The following CEP120 variants were observed in gnomAD, a reference collection of about 807,000 sequenced individuals.
CEP120 encodes centrosomal protein 120.
A neutral mutation model predicts 126.5 loss-of-function variants in CEP120; 113 were observed. The ratio of observed to expected loss-of-function variants is 0.89; its 90% CI spans 0.77 to 1.04. CEP120 has a LOEUF of 1.04. CEP120 is among the 50% of genes least tolerant of loss of function. The probability of loss-of-function intolerance (pLI) is 0.00; values close to 1 mark genes in which losing one functional copy is unlikely to be tolerated. For missense variants in CEP120, 1,230 were observed against 1,155.7 expected, an observed-to-expected ratio of 1.06 and a Z score of -0.93; for synonymous variants, 400 against 394.3, an observed-to-expected ratio of 1.01 and a Z score of -0.17.
chr5:123,419,547 CAA>C (rs1248318471), intron 1 of CEP120, among the ~76,000 whole-genome samples: 1 of 97,038 alleles, frequency 1.0e-5, no homozygotes, highest in African/African-American at 3.8e-5. Flanking sequence ...AAAACAAAAA[CAA>C]AAACAAAAAA....
At chr5:123,356,570 C>T (rs1769638348) in intron 18 of CEP120, among the ~76,000 whole-genome samples, 1 of 151,662 alleles carries the variant, frequency 6.6e-6, no homozygotes, top group Non-Finnish European at 1.5e-5. Context: ...CTATTCATTC[C>T]ACCTATTTTA....
chr5:123,350,679 C>T (rs546366197), intron 18 of CEP120, among the ~76,000 whole-genome samples: 1 of 152,308 alleles, frequency 6.6e-6, no homozygotes, highest in East Asian at 1.9e-4. Context: ...TAATTCCACT[C>T]CTACTTCAGT....
chr5:123,355,128 T>G (rs1486859876), intron 18 of CEP120, among the ~76,000 whole-genome samples: 1 of 152,174 alleles, frequency 6.6e-6, no homozygotes, highest in Admixed American at 6.5e-5. Context: ...TCATTTTTTA[T>G]GGCTGCATAG....
intron 4 of CEP120, among the ~76,000 whole-genome samples, chr5:123,406,981 A>G (rs1773727315): frequency 6.6e-6 from 1 of 152,008 alleles, no homozygotes; most frequent in Non-Finnish European, 1.5e-5. Flanking sequence ...ATTTTAAAAT[A>G]CCTAAAACAA....
chr5:123,347,102 T>TA (rs1375376541), intron 19 of CEP120, among the ~76,000 whole-genome samples: 2 of 152,206 alleles, frequency 1.3e-5, no homozygotes, highest in African/African-American at 4.8e-5. Flanking sequence ...TTTTCAAGTT[T>TA]AAAAAATGCA....
At chr5:123,389,870 G>A in intron 8 of CEP120, 54 bp downstream of exon 8, 1 of 1,458,640 alleles carries the variant, frequency 6.9e-7, no homozygotes. Context: ...TTTTTTAGAT[G>A]GCTGCAAAAT....
chr5:123,400,539 C>A (rs1411162682), intron 4 of CEP120, among the ~76,000 whole-genome samples: 1 of 151,700 alleles, frequency 6.6e-6, no homozygotes, highest in Admixed American at 6.6e-5. Context: ...AGGTGTCAAT[C>A]TGAATTGACA....
chr5:123,361,618 C>T (rs1770081508), intron 18 of CEP120, among the ~76,000 whole-genome samples: 1 of 151,806 alleles, frequency 6.6e-6, no homozygotes. Context: ...TCTATCACTG[C>T]ATAACAATAT....
chr5:123,382,999 G>C lies in CEP120; in HGVS notation c.1847C>G (p.Ser616Cys), dbSNP rs760302565. The change falls in exon 12 of 20, where the codon TCT becomes TGT. Residue 616 changes from serine (S) to cysteine (C), a missense_variant. Physicochemically the swap from Ser to Cys is moderately radical, Grantham distance 112. Transcript: ENST00000306467. ...AATTATATTTACCTGAGATGAATCA[G>C]AGATAAAAATCTCACGCATTTTTAC... ...GLVKMREIFI[S>C]DSSQGVSAVQ... The C allele has an allele frequency of 6.3e-7, 1 of 1,599,090 alleles. No individual in the cohort carries two copies. The highest frequency in any genetic ancestry group is 1.3e-5 in the African/African-American group (1 of 74,532).
At chr5:123,404,681 C>T (rs1167568785) in intron 4 of CEP120, among the ~76,000 whole-genome samples, 6 of 152,184 alleles carry the variant, frequency 3.9e-5, no homozygotes. Flanking sequence ...CAGAATTAAA[C>T]TTTTAGGACA....
At chr5:123,401,476 C>T in intron 4 of CEP120, 1 of 1,267,438 alleles carries the variant, frequency 7.9e-7, no homozygotes, top group Non-Finnish European at 1.2e-6. Flanking sequence ...CCAGACTCTG[C>T]AGCTCCTCAT....
intron 18 of CEP120, among the ~76,000 whole-genome samples, chr5:123,356,450 A>ATTGT (rs1325205374): frequency 6.6e-6 from 1 of 152,096 alleles, no homozygotes; most frequent in African/African-American, 2.4e-5. Flanking sequence ...TACAAAGCAT[A>ATTGT]TTGTTAGCTT....
chr5:123,388,658 C>G (rs922071238), intron 8 of CEP120, 52 bp from the exon 9 acceptor site: 3 of 1,391,926 alleles, frequency 2.2e-6, no homozygotes, highest in African/African-American at 1.5e-5. Flanking sequence ...AACAGTTTCT[C>G]TTAAATTGTA....
intron 4 of CEP120, 43 bp downstream of exon 4, chr5:123,412,356 G>A (rs762509039): frequency 1.9e-6 from 3 of 1,565,722 alleles, no homozygotes; most frequent in Non-Finnish European, 2.6e-6. Context: ...CTAGTCCAAA[G>A]ATGGAACTTC....
At position 123,349,940 on chromosome 5, in the gene CEP120, A is replaced by G; in HGVS notation, c.2726+4T>C. 1 of 1,611,978 alleles carries G rather than the reference A, an allele frequency of 6.2e-7. No homozygotes were observed. Among genetic ancestry groups the G allele is most frequent in the Non-Finnish European group, 8.5e-7 (1 of 1,179,332 alleles). On this transcript the variant is annotated splice_donor_region_variant and intron_variant, in intron 19 of 19. Coordinates refer to ENST00000306467, the MANE Select transcript of CEP120 (RefSeq NM_001375405.1). ...TTTGAAAGAAACACTTTTAGTTATT[A>G]TACCTGTTCAATTCATTTCTTATAT...
intron 10 of CEP120, among the ~76,000 whole-genome samples, 156 bp downstream of exon 10, chr5:123,386,362 C>T (rs1562046902): frequency 6.6e-6 from 1 of 152,106 alleles, no homozygotes; most frequent in Admixed American, 6.5e-5. Flanking sequence ...AGCAGATGCA[C>T]AAATGTCATA....
intron 11 of CEP120, among the ~76,000 whole-genome samples, chr5:123,384,224 C>T (rs1232204697): frequency 6.6e-6 from 1 of 151,862 alleles, no homozygotes; most frequent in East Asian, 1.9e-4. Context: ...AACAAAATGG[C>T]CATGAATGGT....
At position 123,377,613 on chromosome 5, in the gene CEP120, TAC is replaced by T. The variant is rs1239659801; in HGVS notation, c.2197-80_2197-79del. ...TATTCGATATTCCAATATCTTTCTA[TAC>T]ACTCAAATGTTGAGGATATTTACAA... On this transcript the variant is annotated intron_variant, in intron 15 of 19. Transcript: ENST00000306467. The T allele has an allele frequency of 2.8e-6, 3 of 1,085,654 alleles. No individual in the cohort carries two copies. The Admixed American group carries it at 8.3e-5, about 30-fold the overall frequency. 67.3% of individuals were successfully genotyped at this position (1,085,654 alleles called of 1,614,324 possible). A position where few individuals can be genotyped will look rare whatever the true frequency, so the allele number is the denominator to read the frequency against.
chr5:123,391,437 A>G, intron 6 of CEP120, 100 bp from the exon 7 acceptor site: 1 of 907,054 alleles, frequency 1.1e-6, no homozygotes. Flanking sequence ...GCATGGAAAG[A>G]AAATATTATG....
Sources: gnomAD v4.1 joint callset for allele counts (sites outside exome capture counted in the v4.1 genomes callset) on GRCh38, gnomAD v4.1.1 for gene constraint, MANE v1.5 for transcripts, NCBI Gene and HGNC (gene_info 2026-07-23, HGNC 2026-07-21) for gene names.